Variants in CLMP observed in about 807,000 individuals in gnomAD.
CLMP encodes the protein CXADR like cell adhesion molecule.
In CLMP, 27 loss-of-function variants were observed where a neutral mutation model predicts 45.2. The ratio of observed to expected loss-of-function variants is 0.60; its 90% CI spans 0.44 to 0.82. The LOEUF is 0.82. Ranked by LOEUF, CLMP falls within the 40% of genes least tolerant of loss-of-function variation. The probability of loss-of-function intolerance (pLI) is 0.00; values close to 1 mark genes in which losing one functional copy is unlikely to be tolerated. For missense variants in CLMP, 403 were observed against 448.4 expected (o/e 0.90, Z 0.91); for synonymous variants, 167 against 171.4 (o/e 0.97, Z 0.20).
Position 123,072,341 on chromosome 11 carries a change from C to T in CLMP, c.*1133G>A, listed in dbSNP as rs1865681540. On this transcript the variant is annotated 3_prime_UTR_variant, in exon 7 of 7. Coordinates refer to ENST00000448775, the MANE Select transcript of CLMP (RefSeq NM_024769.5). ...TTTTTTTTTTTGAGATGGAGTCTTG[C>T]TTTGTCACCCAGGCTGGAGTGCAAT... 6.8e-6 allele frequency: 1 copy of T among 147,784 alleles called. No individual in the cohort carries two copies. Among genetic ancestry groups the T allele is most frequent in the African/African-American group, 2.5e-5 (1 of 39,732 alleles). 9.2% of individuals were successfully genotyped at this position (147,784 alleles called of 1,614,324 possible).
intron 1 of CLMP, among the ~76,000 whole-genome samples, chr11:123,152,018 T>G (rs532307564): frequency 6.6e-6 from 1 of 152,340 alleles, no homozygotes; most frequent in Non-Finnish European, 1.5e-5. Context: ...AGCACAGTTC[T>G]GATTGCAGCC....
In CLMP at chr11:123,139,139, T is replaced by G. The variant is rs527531256; in HGVS notation, c.29-41187A>C. Among the ~76,000 whole-genome samples the G allele has an allele frequency of 8.8e-3, 1,341 of 152,250 alleles. 15 individuals are homozygous for G. Among genetic ancestry groups the G allele is most frequent in the Middle Eastern group, 0.051 (15 of 294 alleles). Reference sequence around the variant, plus strand: ...CTACAGCAGCAGCATTGAGTATTTGTGACTGAAATCGTCTGGCTTATAAAG... The same window carrying G: ...CTACAGCAGCAGCATTGAGTATTTGGGACTGAAATCGTCTGGCTTATAAAG... On this transcript the variant is annotated intron_variant, in intron 1 of 6. Coordinates refer to ENST00000448775, the MANE Select transcript of CLMP (RefSeq NM_024769.5).
chr11:123,146,324 C>A (rs1488795191), intron 1 of CLMP, among the ~76,000 whole-genome samples: 1 of 152,172 alleles, frequency 6.6e-6, no homozygotes, highest in African/African-American at 2.4e-5. Flanking sequence ...CCACCTAATA[C>A]CATGGTTGTG....
intron 2 of CLMP, among the ~76,000 whole-genome samples, chr11:123,097,196 C>T (rs757823048): frequency 6.6e-6 from 1 of 151,442 alleles, no homozygotes; most frequent in Non-Finnish European, 1.5e-5. Flanking sequence ...GCTGTATTGC[C>T]CAGGCTCAAG....
intron 1 of CLMP, among the ~76,000 whole-genome samples, chr11:123,098,407 T>C (rs763792840): frequency 1.3e-5 from 2 of 152,090 alleles, no homozygotes; most frequent in African/African-American, 2.4e-5. Flanking sequence ...TTTGTATTTT[T>C]AGTAGAGACA....
intron 1 of CLMP, among the ~76,000 whole-genome samples, chr11:123,114,289 TC>T (rs879654781): frequency 6.9e-4 from 105 of 152,290 alleles, no homozygotes; most frequent in African/African-American, 1.8e-3. Context: ...TCCTGCCCCT[TC>T]CACTTTCCTA....
At chr11:123,134,628 A>G (rs990885895) in intron 1 of CLMP, among the ~76,000 whole-genome samples, 2 of 151,062 alleles carry the variant, frequency 1.3e-5, no homozygotes, top group African/African-American at 4.9e-5. Flanking sequence ...CCTGACCAAC[A>G]TGGTGAAACC....
At chr11:123,193,371 AGCT>A (rs1861934063) in intron 1 of CLMP, among the ~76,000 whole-genome samples, 1 of 152,408 alleles carries the variant, frequency 6.6e-6, no homozygotes, top group Middle Eastern at 3.4e-3. Context: ...AAGGACTATT[AGCT>A]GTTTTTAATA....
At chr11:123,111,062 A>G (rs758611247) in intron 1 of CLMP, among the ~76,000 whole-genome samples, 3 of 152,208 alleles carry the variant, frequency 2.0e-5, no homozygotes, top group African/African-American at 7.2e-5. Flanking sequence ...GATGCGAAAT[A>G]TAAAATACAA....
intron 1 of CLMP, among the ~76,000 whole-genome samples, chr11:123,134,120 C>T (rs771303238): frequency 2.6e-5 from 4 of 151,824 alleles, no homozygotes; most frequent in Non-Finnish European, 5.9e-5. Flanking sequence ...ATTCGCCAGG[C>T]GTGGTGGCAC....
intron 1 of CLMP, among the ~76,000 whole-genome samples, chr11:123,161,420 A>G (rs948414735): frequency 6.6e-6 from 1 of 152,060 alleles, no homozygotes; most frequent in African/African-American, 2.4e-5. Context: ...TAATCCCAGC[A>G]CTTTAGGAGG....
At chr11:123,153,275 T>C (rs11824151) in intron 1 of CLMP, among the ~76,000 whole-genome samples, 49,867 of 151,984 alleles carry the variant, frequency 0.33, 8,365 homozygotes, top group Middle Eastern at 0.41. Context: ...CAAATACAAG[T>C]TTCAGATATT....
chr11:123,095,610 G>T (rs754563372), intron 2 of CLMP, among the ~76,000 whole-genome samples: 7 of 152,076 alleles, frequency 4.6e-5, no homozygotes, highest in East Asian at 1.9e-4. Context: ...TTCAAGAGGC[G>T]CCATGGTAAT....
intron 1 of CLMP, among the ~76,000 whole-genome samples, chr11:123,111,085 G>A (rs1344755623): frequency 6.6e-6 from 1 of 152,076 alleles, no homozygotes; most frequent in African/African-American, 2.4e-5. Flanking sequence ...GTAAAATACT[G>A]TCGGTGTATT....
intron 1 of CLMP, among the ~76,000 whole-genome samples, chr11:123,141,899 C>T (rs1861166559): frequency 6.6e-6 from 1 of 151,914 alleles, no homozygotes; most frequent in African/African-American, 2.4e-5. Flanking sequence ...CAAAATTTCT[C>T]CTCTCCACTG....
intron 1 of CLMP, among the ~76,000 whole-genome samples, chr11:123,109,095 A>C (rs1371202135): frequency 1.3e-5 from 2 of 152,056 alleles, no homozygotes; most frequent in African/African-American, 2.4e-5. Context: ...GAAAGAAAAA[A>C]AATGGTTGAG....
chr11:123,079,165 GTATA>G (rs1231742974), intron 5 of CLMP, among the ~76,000 whole-genome samples: 2 of 152,182 alleles, frequency 1.3e-5, no homozygotes, highest in Admixed American at 1.3e-4. Context: ...CTTCTTCTTT[GTATA>G]AGTTTTACTT....
chr11:123,074,655 G>A, intron 6 of CLMP, 47 bp downstream of exon 6: 1 of 1,586,342 alleles, frequency 6.3e-7, no homozygotes, highest in Non-Finnish European at 8.6e-7. Flanking sequence ...CTATAGTGCT[G>A]GCCCTAAAAC....
rs11219006 is a variant in CLMP at position 123,130,155 on chromosome 11, A to G, written c.29-32203T>C. ...AAATATTCAAGGGAAAAGGAGGTAA[A>G]GAAAATTAGTGTTGGGGCTGGAGAA... On this transcript the variant is annotated intron_variant, in intron 1 of 6. Coordinates refer to ENST00000448775, the MANE Select transcript of CLMP (RefSeq NM_024769.5). Among the ~76,000 whole-genome samples the G allele has an allele frequency of 6.7e-3, 1,027 of 152,326 alleles. 32 individuals are homozygous for G. In the East Asian group the frequency reaches 0.1, roughly 15 times the overall value.
Sources: gnomAD v4.1 joint callset for allele counts (sites outside exome capture counted in the v4.1 genomes callset) on GRCh38, gnomAD v4.1.1 for gene constraint, MANE v1.5 for transcripts, NCBI Gene and HGNC (gene_info 2026-07-23, HGNC 2026-07-21) for gene names.